INCA1: variants seen among roughly 807,000 people sequenced by gnomAD.
INCA1 encodes inhibitor of CDK, cyclin A1 interacting protein 1.
In INCA1, 28 loss-of-function variants were observed where a neutral mutation model predicts 25.7. The observed-to-expected ratio is 1.09, with a 90% CI of 0.81 to 1.49. The LOEUF (loss-of-function observed/expected upper bound fraction) is 1.49, where lower values mean the gene tolerates loss of function less well. Ranked by LOEUF, INCA1 falls within the 40% of genes most tolerant of loss-of-function variation. The pLI is 0.00. For synonymous variants in INCA1, 111 were observed against 103.6 expected, an observed-to-expected ratio of 1.07 and a Z score of -0.43; for missense variants, 309 against 290.9, an observed-to-expected ratio of 1.06 and a Z score of -0.45.
intron 4 of INCA1, 98 bp from the exon 5 acceptor site, chr17:4,989,722 A>T: frequency 6.4e-7 from 1 of 1,556,252 alleles, no homozygotes; most frequent in Non-Finnish European, 8.9e-7. Flanking sequence ...TCTTGGGAAG[A>T]CCCCTGTGAT....
intron 2 of INCA1, among the ~76,000 whole-genome samples, chr17:4,991,730 C>G (rs1303283026): frequency 6.6e-6 from 1 of 152,162 alleles, no homozygotes; most frequent in Non-Finnish European, 1.5e-5. Context: ...CATCTCCTCC[C>G]CAACCTTCCT....
chr17:4,997,140 C>G (rs1974345435), upstream of INCA1: 1 of 152,646 alleles, frequency 6.6e-6, no homozygotes, highest in Non-Finnish European at 1.5e-5. Flanking sequence ...CTGCCTGGAG[C>G]CCCGCTGGAG....
intron 1 of INCA1, among the ~76,000 whole-genome samples, chr17:4,996,666 C>CAAAAAAA (rs35732129): frequency 2.3e-4 from 12 of 51,800 alleles, no homozygotes; most frequent in African/African-American, 4.2e-4. Context: ...GACTCCGTCT[C>CAAAAAAA]AAAAAAAAAA....
At chr17:4,990,030 T>A in intron 3 of INCA1, 101 bp from the exon 4 acceptor site, 5 of 1,612,282 alleles carry the variant, frequency 3.1e-6, no homozygotes, top group Non-Finnish European at 4.2e-6. Context: ...CATTAGGAGC[T>A]ACAATGTCCA....
intron 1 of INCA1, among the ~76,000 whole-genome samples, chr17:4,996,199 A>C (rs1418469627): frequency 1.3e-5 from 2 of 152,070 alleles, no homozygotes; most frequent in Non-Finnish European, 2.9e-5. Context: ...AGCCTGGGCA[A>C]CATGGCGAAA....
chr17:4,990,961 C>T (rs1461261204), intron 2 of INCA1, among the ~76,000 whole-genome samples: 2 of 151,252 alleles, frequency 1.3e-5, no homozygotes, highest in African/African-American at 2.4e-5. Context: ...TCTTGTCACC[C>T]AGGCTGGAGT....
In INCA1 at chr17:4,988,431, TC is replaced by T. The variant is rs1280470765; in HGVS notation, c.684del (p.Met229TrpfsTer18). 1.2e-6 allele frequency: 2 copies of T among 1,609,184 alleles called. No homozygotes were observed. Among genetic ancestry groups the T allele is most frequent in the Non-Finnish European group, 8.5e-7 (1 of 1,178,190 alleles). ...TACTCTTCAGACGCTGCCAACTCCA[TC>T]CCCCAGGGATTGTGAAGGGGGTTCC... On this transcript the variant is annotated frameshift_variant, in exon 7 of 7. Coordinates refer to ENST00000576820, the Ensembl canonical transcript of INCA1. LOFTEE classifies it high-confidence loss of function.
intron 2 of INCA1, among the ~76,000 whole-genome samples, chr17:4,993,969 G>A (rs904638596): frequency 1.3e-5 from 2 of 149,030 alleles, no homozygotes; most frequent in South Asian, 4.3e-4. Context: ...ATGGGGTTTT[G>A]TCATGTTGGC....
At chr17:4,992,718 T>G in intron 2 of INCA1, among the ~76,000 whole-genome samples, 1 of 138,736 alleles carries the variant, frequency 7.2e-6, no homozygotes, top group Non-Finnish European at 1.6e-5. Flanking sequence ...CCCTCCCTTC[T>G]TTCTTTTTAG....
Position 4,989,887 on chromosome 17 carries a change from T to C in INCA1, c.198+3A>G. 1.2e-6 allele frequency: 2 copies of C among 1,614,186 alleles called. No homozygotes were observed. The highest frequency in any genetic ancestry group is 1.7e-6 in the Non-Finnish European group (2 of 1,180,028). ...ATGTTAAACGGCAGAGGGTCTGTCT[T>C]ACCAGCATGGGTGGAATGTGCTGCT... On this transcript the variant is annotated splice_donor_region_variant and intron_variant, in intron 4 of 6. Transcript: ENST00000576820.
chr17:4,990,867 G>A (rs950494838), intron 2 of INCA1, among the ~76,000 whole-genome samples: 3 of 150,166 alleles, frequency 2.0e-5, no homozygotes, highest in Non-Finnish European at 4.4e-5. Context: ...TGGGTGACAA[G>A]AGAGAAACTC....
rs989352235 is a variant in INCA1, at chr17:4,988,306, G to A, written c.*99C>T. The A allele has an allele frequency of 1.8e-5, 24 of 1,344,266 alleles. No homozygotes were observed. In the East Asian group the frequency reaches 2.2e-4, roughly 12 times the overall value. The allele number at this position is 1,344,266 out of a possible 1,614,324, so 83.3% of individuals were successfully genotyped here. ...AAGGCAGTTGGAGAGACGAAGGAAG[G>A]GGAAACGCCTTCATGTCAGCAATGA... On this transcript the variant is annotated 3_prime_UTR_variant, in exon 7 of 7. Transcript: ENST00000576820.
At chr17:4,994,044 T>A (rs2143234475) in intron 2 of INCA1, among the ~76,000 whole-genome samples, 1 of 152,222 alleles carries the variant, frequency 6.6e-6, no homozygotes, top group Admixed American at 6.5e-5. Flanking sequence ...AGTGCTGGGA[T>A]TACAGGAGTG....
chr17:4,990,088 G>C, intron 3 of INCA1, 64 bp downstream of exon 3: 1 of 1,610,582 alleles, frequency 6.2e-7, no homozygotes, highest in Non-Finnish European at 8.5e-7. Flanking sequence ...TGCTATATGG[G>C]TTTATGGTAG....
At chr17:4,993,179 CTTGT>C (rs1973993140) in intron 2 of INCA1, among the ~76,000 whole-genome samples, 1 of 150,652 alleles carries the variant, frequency 6.6e-6, no homozygotes. Flanking sequence ...CACGCCTGAC[CTTGT>C]TTTTTTGTTT....
exon 5 of INCA1, chr17:4,989,564 T>C (rs972058176): frequency 9.9e-6 from 16 of 1,614,146 alleles, no homozygotes; most frequent in Non-Finnish European, 1.4e-5. Context: ...CTCCAAAGCA[T>C]TTCAGGGGGT....
chr17:4,996,278 G>A (rs1366663141), intron 1 of INCA1, among the ~76,000 whole-genome samples: 1 of 151,812 alleles, frequency 6.6e-6, no homozygotes, highest in African/African-American at 2.4e-5. Flanking sequence ...CCGGAAGGCT[G>A]AGGTGGGAGT....
At chr17:4,991,311 A>G (rs965018737) in intron 2 of INCA1, among the ~76,000 whole-genome samples, 3 of 152,174 alleles carry the variant, frequency 2.0e-5, no homozygotes, top group Non-Finnish European at 2.9e-5. Flanking sequence ...TTTATACCTC[A>G]TAGTTAGAGA....
At chr17:4,994,433 T>C in exon 2 of INCA1, 1 of 1,613,412 alleles carries the variant, frequency 6.2e-7, no homozygotes, top group Non-Finnish European at 8.5e-7. Context: ...ATCCTGCACC[T>C]GCATGACTGG....
Sources: gnomAD v4.1 joint callset for allele counts (sites outside exome capture counted in the v4.1 genomes callset) on GRCh38, gnomAD v4.1.1 for gene constraint, MANE v1.5 for transcripts, NCBI Gene and HGNC (gene_info 2026-07-23, HGNC 2026-07-21) for gene names.